Variants in EEFSEC observed in about 807,000 individuals in gnomAD.
The protein encoded by EEFSEC is selenocysteine-specific elongation factor.
Under a neutral mutation model 42.1 loss-of-function variants are expected in EEFSEC, and 43 were observed. The ratio of observed to expected loss-of-function variants is 1.02; its 90% CI spans 0.80 to 1.32. The LOEUF (loss-of-function observed/expected upper bound fraction) is 1.32, where lower values mean the gene tolerates loss of function less well. EEFSEC is among the 40% of genes most tolerant of loss of function. The pLI is 0.00. For missense variants in EEFSEC, 745 were observed against 803.6 expected, an observed-to-expected ratio of 0.93 and a Z score of 0.88; for synonymous variants, 354 against 339.1, an observed-to-expected ratio of 1.04 and a Z score of -0.48.
At chr3:128,295,004 CT>C (rs1366154251) in intron 4 of EEFSEC, among the ~76,000 whole-genome samples, 3 of 152,204 alleles carry the variant, frequency 2.0e-5, no homozygotes, top group African/African-American at 7.2e-5. Context: ...GGCTATGTCT[CT>C]GCCAGCCACA....
chr3:128,388,285 C>T (rs1327381272), intron 6 of EEFSEC, among the ~76,000 whole-genome samples: 1 of 152,240 alleles, frequency 6.6e-6, no homozygotes, highest in Non-Finnish European at 1.5e-5. Context: ...AACTCGCCTC[C>T]AGCACTACCT....
At chr3:128,222,611 TTATC>T (rs1453025614) in intron 1 of EEFSEC, among the ~76,000 whole-genome samples, 1 of 152,206 alleles carries the variant, frequency 6.6e-6, no homozygotes, top group Non-Finnish European at 1.5e-5. Flanking sequence ...CTACCATACT[TTATC>T]TGTCTACTCT....
intron 2 of EEFSEC, among the ~76,000 whole-genome samples, chr3:128,252,906 A>C (rs1205392703): frequency 6.6e-6 from 1 of 152,116 alleles, no homozygotes; most frequent in Admixed American, 6.5e-5. Context: ...TCCTGCCCGC[A>C]CTACAGAGCT....
chr3:128,301,123 G>C (rs2066763134), intron 4 of EEFSEC, among the ~76,000 whole-genome samples: 1 of 152,204 alleles, frequency 6.6e-6, no homozygotes, highest in African/African-American at 2.4e-5. Flanking sequence ...CTCCAGGCTA[G>C]AGCATGTGAT....
intron 1 of EEFSEC, among the ~76,000 whole-genome samples, chr3:128,207,942 A>C (rs913604787): frequency 6.6e-6 from 1 of 152,172 alleles, no homozygotes; most frequent in Non-Finnish European, 1.5e-5. Context: ...CAGTTCTGAC[A>C]GGGGGTGCTA....
At chr3:128,403,416 C>G (rs906519409) in intron 6 of EEFSEC, among the ~76,000 whole-genome samples, 1 of 152,172 alleles carries the variant, frequency 6.6e-6, no homozygotes, top group African/African-American at 2.4e-5. Flanking sequence ...ACCTCCCTGA[C>G]AGCGTAGGTC....
chr3:128,419,307 C>G, the EEFSEC span, among the ~76,000 whole-genome samples: 1 of 152,172 alleles, frequency 6.6e-6, no homozygotes, highest in Non-Finnish European at 1.5e-5. Flanking sequence ...TGAAACAGTG[C>G]TGTGTGGCCA....
intron 1 of EEFSEC, among the ~76,000 whole-genome samples, chr3:128,198,146 G>T (rs76613801): frequency 9.2e-5 from 14 of 152,254 alleles, no homozygotes; most frequent in South Asian, 2.1e-4. Context: ...GGTAGGCAAG[G>T]GGGGGATGAA....
intron 1 of EEFSEC, among the ~76,000 whole-genome samples, chr3:128,223,504 C>G (rs2065880244): frequency 6.6e-6 from 1 of 152,158 alleles, no homozygotes; most frequent in South Asian, 2.1e-4. Flanking sequence ...GCTATGGAGT[C>G]TGACCATTGA....
At chr3:128,230,702 G>T (rs190852576) in intron 1 of EEFSEC, among the ~76,000 whole-genome samples, 1 of 152,270 alleles carries the variant, frequency 6.6e-6, no homozygotes, top group Admixed American at 6.5e-5. Context: ...AGAGACTGAG[G>T]CTCAAATAGG....
chr3:128,355,734 A>G lies in EEFSEC; in HGVS notation c.1444-2483A>G, dbSNP rs532450416. Reference sequence around the variant, plus strand: ...GGAATAGATAGTAAGCGCCTGTTTTATGTGCAGGGAATGTAGCTATGGAGG... The same window carrying G: ...GGAATAGATAGTAAGCGCCTGTTTTGTGTGCAGGGAATGTAGCTATGGAGG... On this transcript the variant is annotated intron_variant, in intron 5 of 6. Transcript: ENST00000254730. Among the ~76,000 whole-genome samples, 4 of 152,186 alleles carry G rather than the reference A, an allele frequency of 2.6e-5. No individual in the cohort carries two copies. The South Asian group carries it at 6.2e-4, about 24-fold the overall frequency.
intron 4 of EEFSEC, among the ~76,000 whole-genome samples, chr3:128,270,289 T>C (rs1276635189): frequency 6.6e-6 from 1 of 152,228 alleles, no homozygotes; most frequent in Admixed American, 6.5e-5. Flanking sequence ...CCTTCCTGGG[T>C]GTAAGGTCCT....
At chr3:128,246,740 A>G (rs2066131753) in intron 1 of EEFSEC, 96 bp from the exon 2 acceptor site, 2 of 1,312,546 alleles carry the variant, frequency 1.5e-6, no homozygotes, top group Admixed American at 1.8e-5. Flanking sequence ...CACTTTGCTC[A>G]CTTTTACTGC....
chr3:128,425,321 T>G, the EEFSEC span, among the ~76,000 whole-genome samples: 1 of 152,188 alleles, frequency 6.6e-6, no homozygotes, highest in Non-Finnish European at 1.5e-5. Flanking sequence ...GATTCATGCT[T>G]GTGGCTGCAC....
chr3:128,324,918 T>C (rs951121957), intron 4 of EEFSEC, among the ~76,000 whole-genome samples: 3 of 152,244 alleles, frequency 2.0e-5, no homozygotes, highest in African/African-American at 7.2e-5. Flanking sequence ...TTCCTGTTGC[T>C]GTTGCCAGAC....
chr3:128,203,307 C>T (rs1463584042), intron 1 of EEFSEC, among the ~76,000 whole-genome samples: 1 of 152,208 alleles, frequency 6.6e-6, no homozygotes, highest in East Asian at 1.9e-4. Context: ...AAGCCATTCA[C>T]ATTTCCCTTC....
Position 128,153,703 on chromosome 3 carries a change from T to A in EEFSEC, c.196T>A (p.Ser66Thr). The A allele has an allele frequency of 1.3e-6, 2 of 1,588,620 alleles. No individual in the cohort carries two copies. The highest frequency in any genetic ancestry group is 8.5e-7 in the Non-Finnish European group (1 of 1,175,590). The change falls in exon 1 of 7, where the codon TCG (serine) becomes ACG (threonine). Residue 66 changes from serine (S) to threonine (T), a missense_variant. Ser to Thr is a moderately conservative substitution (Grantham distance 58, BLOSUM62 1). Transcript: ENST00000254730. ...GGTGCCGCTGCCCGCGCGCCTGCGGTCGTCTTTGCCCGAGTTCCAGGCAGC... is the reference window on the plus strand; with the variant it reads ...GGTGCCGCTGCCCGCGCGCCTGCGGACGTCTTTGCCCGAGTTCCAGGCAGC... Reference protein sequence around the residue: ...FSVPLPARLRSSLPEFQAAPE... With the variant: ...FSVPLPARLRTSLPEFQAAPE...
At chr3:128,325,647 A>G (rs1354047516) in intron 4 of EEFSEC, among the ~76,000 whole-genome samples, 3 of 152,248 alleles carry the variant, frequency 2.0e-5, no homozygotes, top group African/African-American at 7.2e-5. Context: ...CCTTTTCTTC[A>G]TGTATGAAAG....
rs117539193 is a variant in EEFSEC at position 128,220,984 on chromosome 3, C to T, written c.317-25852C>T. On this transcript the variant is annotated intron_variant, in intron 1 of 6. Coordinates refer to ENST00000254730, the MANE Select transcript of EEFSEC (RefSeq NM_021937.5). ...TTCTCTGTTCACCAAAGTGAATTCT[C>T]GTTACTCTCAGTACATTTGGTTTCC... Among the ~76,000 whole-genome samples the T allele has an allele frequency of 9.4e-4, 143 of 152,356 alleles. 3 individuals are homozygous for T. In the East Asian group the frequency reaches 0.022, roughly 24 times the overall value.
Sources: gnomAD v4.1 joint callset for allele counts (sites outside exome capture counted in the v4.1 genomes callset) on GRCh38, gnomAD v4.1.1 for gene constraint, MANE v1.5 for transcripts, NCBI Gene and HGNC (gene_info 2026-07-23, HGNC 2026-07-21) for gene names.